Variants in GPR143 observed in about 807,000 individuals in gnomAD.
GPR143 encodes G-protein coupled receptor 143.
GPR143 carries 8 observed loss-of-function variants against 27.6 expected under a neutral mutation model. The observed-to-expected ratio is 0.29, with a 90% CI of 0.17 to 0.52. GPR143 has a LOEUF of 0.52. Among genes scored for constraint, GPR143 ranks in the 20% least tolerant of loss-of-function variants. The probability of loss-of-function intolerance (pLI) is 0.96; values close to 1 mark genes in which losing one functional copy is unlikely to be tolerated. For missense variants in GPR143, 303 were observed against 343.1 expected, an observed-to-expected ratio of 0.88 and a Z score of 0.92; for synonymous variants, 156 against 153.2, an observed-to-expected ratio of 1.02 and a Z score of -0.13.
chrX:9,763,908 C>T (rs2034304800), intron 1 of GPR143, among the ~76,000 whole-genome samples: 1 of 112,682 alleles, frequency 8.9e-6, no homozygotes, highest in Non-Finnish European at 1.9e-5. Flanking sequence ...TGCACATGAA[C>T]AACATAGCTG....
intron 8 of GPR143, among the ~76,000 whole-genome samples, chrX:9,733,661 A>G (rs1257073811): frequency 1.8e-5 from 2 of 111,731 alleles, no homozygotes; most frequent in Admixed American, 9.5e-5. Context: ...AGAATGGAGA[A>G]TTATGGGAAA....
At position 9,728,362 on chromosome X, in the gene GPR143, G is replaced by GAGAT. The variant is rs199670402; in HGVS notation, c.1121-2526_1121-2523dup. On this transcript the variant is annotated intron_variant, in intron 8 of 8. Transcript: ENST00000467482. ...GGCAGGAACAAGCACAATTTTAAAA[G>GAGAT]AGATACATGCAGAGTTTGAGAGGAC... 9.9e-3 allele frequency among the ~76,000 whole-genome samples: 1,033 copies of GAGAT among 104,867 alleles called. 12 individuals are homozygous for GAGAT. Among genetic ancestry groups the GAGAT allele is most frequent in the Non-Finnish European group, 0.015 (789 of 51,483 alleles). 91.1% of individuals were successfully genotyped at this position (104,867 alleles called of 115,157 possible).
At chrX:9,777,628 AAAAAAG>A (rs1007932018) in intron 1 of GPR143, among the ~76,000 whole-genome samples, 18 of 111,462 alleles carry the variant, frequency 1.6e-4, no homozygotes, top group African/African-American at 4.2e-4. Context: ...AAAAAAACAA[AAAAAAG>A]AAAAAGAAAA....
chrX:9,747,296 C>A (rs2083433414), intron 4 of GPR143, among the ~76,000 whole-genome samples: 1 of 110,581 alleles, frequency 9.0e-6, no homozygotes, highest in African/African-American at 3.3e-5. Context: ...CTGGGTCAGG[C>A]GTTGTGAAAA....
upstream of GPR143, among the ~76,000 whole-genome samples, chrX:9,770,357 G>GAGAGAGAGA (rs1569127506): frequency 1.2e-4 from 11 of 93,731 alleles, no homozygotes; most frequent in African/African-American, 2.4e-4. Flanking sequence ...GAGAGAGAGA[G>GAGAGAGAGA]GAAGACCAGC....
intron 7 of GPR143, chrX:9,741,035 T>A (rs1186445188): frequency 3.7e-5 from 11 of 294,563 alleles, no homozygotes; most frequent in Admixed American, 5.9e-5. Flanking sequence ...TATTTAAATA[T>A]AATATATTGT....
At chrX:9,737,185 T>C (rs1402323341) in intron 8 of GPR143, among the ~76,000 whole-genome samples, 2 of 111,633 alleles carry the variant, frequency 1.8e-5, no homozygotes, top group African/African-American at 6.5e-5. Flanking sequence ...TAGCAGGGTG[T>C]GTTGGCACCT....
intron 3 of GPR143, among the ~76,000 whole-genome samples, chrX:9,751,677 G>C (rs1252936699): frequency 3.6e-5 from 4 of 112,245 alleles, no homozygotes; most frequent in Non-Finnish European, 5.6e-5. Flanking sequence ...AAATGTTCTG[G>C]AACTAGTAAT....
chrX:9,765,867 G>A (rs780160800), upstream of GPR143: 8 of 1,018,812 alleles, frequency 7.9e-6, no homozygotes, highest in African/African-American at 1.6e-4. Flanking sequence ...CCGCCGGCCT[G>A]CCTGGGTCAT....
At chrX:9,751,482 C>T (rs1033552972) in intron 3 of GPR143, among the ~76,000 whole-genome samples, 1 of 112,530 alleles carries the variant, frequency 8.9e-6, no homozygotes, top group Non-Finnish European at 1.9e-5. Context: ...TACAAGATGG[C>T]TGTCAGCACG....
At chrX:9,763,209 G>A (rs1346057484) in intron 1 of GPR143, among the ~76,000 whole-genome samples, 1 of 110,819 alleles carries the variant, frequency 9.0e-6, no homozygotes, top group Admixed American at 9.6e-5. Context: ...GAGTAGTTAG[G>A]ATTACAGGCG....
At position 9,765,557 on chromosome X, in the gene GPR143, C is replaced by G. The variant is rs375563631; in HGVS notation, c.250+11G>C. On this transcript the variant is annotated intron_variant, in intron 1 of 8. Transcript: ENST00000467482. ...ATCAGATTCCAACCCGCGGGCCGCG[C>G]GCGCCCTTACCCAGGCAGCCGAGAA... 985 of 1,084,088 alleles carry G rather than the reference C, an allele frequency of 9.1e-4. 11 individuals carry two copies. In the African/African-American group the frequency reaches 0.016, roughly 18 times the overall value. 89.3% of individuals were successfully genotyped at this position (1,084,088 alleles called of 1,213,427 possible). A position where few individuals can be genotyped will look rare whatever the true frequency, so the allele number is the denominator to read the frequency against.
Position 9,746,143 on chromosome X carries a change from C to T in GPR143, c.559G>A (p.Gly187Ser). 8.6e-7 allele frequency: 1 copy of T among 1,158,056 alleles called. No homozygotes were observed. Residue 187 changes from glycine (G) to serine (S), a missense_variant, in exon 5 of 9, where the codon GGC becomes AGC. Physicochemically the swap from Gly to Ser is moderately conservative, Grantham distance 56. Transcript: ENST00000467482. ...TAGTGGGGGATGGCGTGGTCCAGGCCCCGCTCACACCTGAGAGAGGAAAAC... is the reference window on the plus strand; with the variant it reads ...TAGTGGGGGATGGCGTGGTCCAGGCTCCGCTCACACCTGAGAGAGGAAAAC... ...YYPSVSRCER[G>S]LDHAIPHYVT...
chrX:9,766,892 A>ATCTCTC (rs778384446), upstream of GPR143, among the ~76,000 whole-genome samples: 1 of 77,275 alleles, frequency 1.3e-5, no homozygotes, highest in African/African-American at 5.1e-5. Context: ...GTGAGACCCT[A>ATCTCTC]TCTCTCTCTC....
chrX:9,737,926 G>A (rs781169095), intron 8 of GPR143, among the ~76,000 whole-genome samples: 10 of 111,592 alleles, frequency 9.0e-5, no homozygotes, highest in Non-Finnish European at 1.7e-4. Flanking sequence ...CTTGAGCCCA[G>A]AAGGTGGAGG....
At chrX:9,758,922 G>A (rs1367310169) in intron 3 of GPR143, among the ~76,000 whole-genome samples, 1 of 112,144 alleles carries the variant, frequency 8.9e-6, no homozygotes, top group Non-Finnish European at 1.9e-5. Context: ...AATTGTTTAT[G>A]TACATGCCCA....
intron 7 of GPR143, chrX:9,740,753 C>CTTT (rs374177494): frequency 3.5e-5 from 9 of 258,082 alleles, no homozygotes; most frequent in African/African-American, 6.9e-5. Context: ...TTCTTTCTTT[C>CTTT]TTTTTTTTTT....
intron 8 of GPR143, among the ~76,000 whole-genome samples, chrX:9,726,983 T>A (rs1225913177): frequency 8.9e-6 from 1 of 112,499 alleles, no homozygotes; most frequent in African/African-American, 3.2e-5. Context: ...TGGATGTCAG[T>A]CATCATTCTG....
intron 8 of GPR143, among the ~76,000 whole-genome samples, chrX:9,730,167 T>C (rs970615354): frequency 9.8e-5 from 11 of 112,220 alleles, no homozygotes; most frequent in Non-Finnish European, 2.1e-4. Context: ...TTGCCTAACA[T>C]GCATTTCTCA....
Sources: allele counts gnomAD v4.1 joint callset (sites outside exome capture counted in the v4.1 genomes callset), GRCh38; gene constraint gnomAD v4.1.1; transcripts MANE v1.5; gene names NCBI Gene and HGNC (gene_info 2026-07-23, HGNC 2026-07-21).